FHIT: variants seen among roughly 807,000 people sequenced by gnomAD.
FHIT encodes the protein fragile histidine triad diadenosine triphosphatase, also known as bis(5'-adenosyl)-triphosphatase.
A neutral mutation model predicts 17.9 loss-of-function variants in FHIT; 19 were observed. The ratio of observed to expected loss-of-function variants is 1.06; its 90% CI spans 0.74 to 1.56. The LOEUF (loss-of-function observed/expected upper bound fraction) is 1.56, where lower values mean the gene tolerates loss of function less well. Ranked by LOEUF, FHIT falls within the 40% of genes most tolerant of loss-of-function variation. The pLI, the probability that FHIT is intolerant of heterozygous loss-of-function variation, is 0.00. For missense variants in FHIT, 248 were observed against 189.2 expected, an observed-to-expected ratio of 1.31 and a Z score of -1.82; for synonymous variants, 81 against 69.7, an observed-to-expected ratio of 1.16 and a Z score of -0.81.
At chr3:60,801,815 T>A (rs1446349381) in intron 4 of FHIT, among the ~76,000 whole-genome samples, 3 of 152,220 alleles carry the variant, frequency 2.0e-5, no homozygotes, top group African/African-American at 7.2e-5. Context: ...AGGCTCTATA[T>A]ACATACTGGT....
At chr3:61,188,763 C>G (rs2038611724) in intron 2 of FHIT, among the ~76,000 whole-genome samples, 1 of 152,110 alleles carries the variant, frequency 6.6e-6, no homozygotes, top group Non-Finnish European at 1.5e-5. Context: ...CCCTGGGATA[C>G]AAGGCTGGTT....
At chr3:61,227,074 C>T (rs1341660947) in intron 1 of FHIT, among the ~76,000 whole-genome samples, 1 of 152,100 alleles carries the variant, frequency 6.6e-6, no homozygotes, top group African/African-American at 2.4e-5. Flanking sequence ...GAGGAAGAGA[C>T]ATTTAAGTTA....
intron 4 of FHIT, among the ~76,000 whole-genome samples, chr3:60,708,443 G>T (rs1171745269): frequency 6.6e-6 from 1 of 152,190 alleles, no homozygotes; most frequent in Non-Finnish European, 1.5e-5. Flanking sequence ...TCATTGATAT[G>T]TGACACCCAT....
chr3:61,143,759 G>C (rs746734921), intron 2 of FHIT, among the ~76,000 whole-genome samples: 1 of 152,064 alleles, frequency 6.6e-6, no homozygotes, highest in Non-Finnish European at 1.5e-5. Flanking sequence ...CCAACTACTC[G>C]GGAGACTGAG....
intron 2 of FHIT, among the ~76,000 whole-genome samples, chr3:61,090,683 T>C (rs1011629102): frequency 6.6e-6 from 1 of 152,016 alleles, no homozygotes. Context: ...GAGAAGGATA[T>C]GAACAAATAG....
intron 5 of FHIT, among the ~76,000 whole-genome samples, chr3:60,089,120 T>G (rs1403107694): frequency 6.6e-6 from 1 of 152,180 alleles, no homozygotes; most frequent in East Asian, 1.9e-4. Context: ...GACAGCTAGC[T>G]GCATAATTCC....
At chr3:60,686,746 G>A (rs1462033716) in intron 4 of FHIT, among the ~76,000 whole-genome samples, 1 of 152,100 alleles carries the variant, frequency 6.6e-6, no homozygotes, top group Non-Finnish European at 1.5e-5. Context: ...TCCAGTAGCT[G>A]GGGTTGCTCC....
rs145908972 is a variant in FHIT at position 60,532,127 on chromosome 3, T to C, written c.103+4733A>G. 2.6e-3 allele frequency among the ~76,000 whole-genome samples: 400 copies of C among 152,328 alleles called. 2 individuals are homozygous for C. The highest frequency in any genetic ancestry group is 4.2e-3 in the Non-Finnish European group (287 of 68,036). ...TTTTAATAACTGATTCAATAAACTG[T>C]TGACGTATGATTTGTAGAATACAGT... On this transcript the variant is annotated intron_variant, in intron 5 of 9. Transcript: ENST00000492590.
chr3:60,642,002 T>C (rs1429881521), intron 4 of FHIT, among the ~76,000 whole-genome samples: 3 of 150,540 alleles, frequency 2.0e-5, no homozygotes, highest in Non-Finnish European at 4.4e-5. Flanking sequence ...GGGTAGGGGG[T>C]GGGGAGTGGG....
At chr3:60,433,701 G>C (rs959091044) in intron 5 of FHIT, among the ~76,000 whole-genome samples, 3 of 152,010 alleles carry the variant, frequency 2.0e-5, no homozygotes, top group African/African-American at 7.2e-5. Flanking sequence ...TATACCTGTT[G>C]GCTATTAGCA....
chr3:60,418,244 G>A (rs971834048), intron 5 of FHIT, among the ~76,000 whole-genome samples: 1 of 151,466 alleles, frequency 6.6e-6, no homozygotes, highest in African/African-American at 2.4e-5. Flanking sequence ...AGGCTTCAGA[G>A]AAGCTTTTTG....
At chr3:59,806,599 T>C (rs1375505064) in intron 8 of FHIT, among the ~76,000 whole-genome samples, 1 of 112,468 alleles carries the variant, frequency 8.9e-6, no homozygotes, top group Non-Finnish European at 1.9e-5. Context: ...TTAAAGCAGT[T>C]GAGCAAATCA....
chr3:60,051,899 T>C (rs1316180665), intron 5 of FHIT, among the ~76,000 whole-genome samples: 1 of 152,144 alleles, frequency 6.6e-6, no homozygotes, highest in Non-Finnish European at 1.5e-5. Flanking sequence ...ACTGACCCAC[T>C]CTGTGAAACA....
chr3:60,950,819 G>A (rs369468869), intron 3 of FHIT, among the ~76,000 whole-genome samples: 11 of 151,274 alleles, frequency 7.3e-5, no homozygotes, highest in Middle Eastern at 3.5e-3. Context: ...CACCATGCCC[G>A]GCCTAGGTAG....
chr3:60,366,616 G>A (rs1166177491), intron 5 of FHIT, among the ~76,000 whole-genome samples: 1 of 152,164 alleles, frequency 6.6e-6, no homozygotes, highest in Non-Finnish European at 1.5e-5. Flanking sequence ...TGTTGGGAAT[G>A]GCTATGTTAT....
intron 2 of FHIT, among the ~76,000 whole-genome samples, chr3:61,179,840 G>A (rs2038283535): frequency 6.6e-6 from 1 of 151,034 alleles, no homozygotes. Flanking sequence ...GTGGAAGATG[G>A]CATCAGAGTG....
At chr3:61,002,926 T>C (rs1575822096) in intron 3 of FHIT, among the ~76,000 whole-genome samples, 2 of 152,206 alleles carry the variant, frequency 1.3e-5, no homozygotes, top group East Asian at 3.9e-4. Flanking sequence ...TCTATGGCAG[T>C]TCCTGGGTTG....
rs570470028 is a variant in FHIT, at chr3:61,021,337, C to A, written c.-111+20710G>T. ...AAATCAGGCCGGGCGCGGTGGCTCA[C>A]GCCTGTAATCCCAGCACTTTGGGAG... On this transcript the variant is annotated intron_variant, in intron 3 of 9. Transcript: ENST00000492590. 4.5e-4 allele frequency among the ~76,000 whole-genome samples: 69 copies of A among 152,124 alleles called. 1 individual carries two copies. Among genetic ancestry groups the A allele is most frequent in the South Asian group, 1.2e-3 (6 of 4,808 alleles).
intron 4 of FHIT, among the ~76,000 whole-genome samples, chr3:60,741,063 G>C (rs1232268091): frequency 6.6e-6 from 1 of 152,188 alleles, no homozygotes; most frequent in African/African-American, 2.4e-5. Context: ...TGGTAGCCTA[G>C]AATTAATGGG....
Sources: gnomAD v4.1 joint callset for allele counts (sites outside exome capture counted in the v4.1 genomes callset) on GRCh38, gnomAD v4.1.1 for gene constraint, MANE v1.5 for transcripts, NCBI Gene and HGNC (gene_info 2026-07-23, HGNC 2026-07-21) for gene names.